The following SP4 variants were observed in gnomAD, a reference collection of about 807,000 sequenced individuals.
The protein encoded by SP4 is Sp4 transcription factor, also known as transcription factor Sp4.
Under a neutral mutation model 72.8 loss-of-function variants are expected in SP4, and 19 were observed. The observed-to-expected ratio is 0.26, with a 90% CI of 0.18 to 0.38. The LOEUF (loss-of-function observed/expected upper bound fraction) is 0.38, where lower values mean the gene tolerates loss of function less well. Ranked by LOEUF, SP4 falls within the 10% of genes least tolerant of loss-of-function variation. SP4 has a pLI of 1.00. For synonymous variants in SP4, 395 were observed against 333.1 expected (o/e 1.19, Z -2.02); for missense variants, 1,008 against 926.3 (o/e 1.09, Z -1.14).
At chr7:21,501,173 T>G (rs1781853295) in intron 5 of SP4, among the ~76,000 whole-genome samples, 1 of 152,182 alleles carries the variant, frequency 6.6e-6, no homozygotes, top group Non-Finnish European at 1.5e-5. Flanking sequence ...TTCCCAATAA[T>G]GAAACTTTCT....
At chr7:21,445,354 T>G (rs1050139308) in intron 3 of SP4, among the ~76,000 whole-genome samples, 1 of 152,128 alleles carries the variant, frequency 6.6e-6, no homozygotes, top group African/African-American at 2.4e-5. Context: ...GAAATAACAT[T>G]AAGAAAACCC....
In SP4 at chr7:21,430,571, G is replaced by T. The variant is rs1417412402; in HGVS notation, c.1406G>T (p.Trp469Leu). 6.2e-7 allele frequency: 1 copy of T among 1,614,210 alleles called. No homozygotes were observed. The highest frequency in any genetic ancestry group is 1.1e-5 in the South Asian group (1 of 91,086). The change falls in exon 3 of 6, where the codon TGG (tryptophan) becomes TTG (leucine). Residue 469 changes from tryptophan to leucine, a missense_variant. This residue lies in a region of SP4 where 893 missense variants were observed against 743.3 expected (regional missense o/e 1.20). Transcript: ENST00000222584. ...TTAACACCTTCAGGGCAAATCAGTT[G>T]GCAAACTGTACAGGTTCAGAATATT... ...PTLTPSGQIS[W>L]QTVQVQNIQS...
chr7:21,496,791 T>C (rs184790134), intron 5 of SP4, among the ~76,000 whole-genome samples: 10 of 152,358 alleles, frequency 6.6e-5, no homozygotes, highest in East Asian at 3.9e-4. Context: ...TGTGTGCATG[T>C]TGCAGCTTGC....
chr7:21,437,132 ATAAC>A lies in SP4; in HGVS notation c.1678+6290_1678+6293del, dbSNP rs550972212. Among the ~76,000 whole-genome samples the A allele has an allele frequency of 5.0e-3, 756 of 152,350 alleles. 4 individuals are homozygous for A. The highest frequency in any genetic ancestry group is 8.5e-3 in the Non-Finnish European group (580 of 68,032). Reference sequence around the variant, plus strand: ...AAAAGTGTCAGAAGATTTGGCATGAATAACACCTCAATTTTTTAAAACATTCTTA... The same window carrying A: ...AAAAGTGTCAGAAGATTTGGCATGAAACCTCAATTTTTTAAAACATTCTTA... On this transcript the variant is annotated intron_variant, in intron 3 of 5. Transcript: ENST00000222584.
intron 5 of SP4, among the ~76,000 whole-genome samples, chr7:21,497,023 C>G (rs151228348): frequency 0.012 from 1,786 of 152,336 alleles, 29 homozygotes; most frequent in African/African-American, 0.041. Flanking sequence ...TAGCTCTCAG[C>G]TAGCTTTTCC....
chr7:21,470,037 G>C (rs1442591799), intron 3 of SP4, among the ~76,000 whole-genome samples: 3 of 152,138 alleles, frequency 2.0e-5, no homozygotes, highest in African/African-American at 7.2e-5. Flanking sequence ...ATATCAGTGA[G>C]TCAGGGAGGA....
chr7:21,448,889 T>C lies in SP4; in HGVS notation c.1678+18046T>C, dbSNP rs549188019. Reference sequence around the variant, plus strand: ...AGCCAATGGAAATGAGACTCCTCTATTACTTGGCTTGATTGAGTATATTAA... The same window carrying C: ...AGCCAATGGAAATGAGACTCCTCTACTACTTGGCTTGATTGAGTATATTAA... On this transcript the variant is annotated intron_variant, in intron 3 of 5. Transcript: ENST00000222584. 1.7e-4 allele frequency among the ~76,000 whole-genome samples: 26 copies of C among 152,354 alleles called. 1 individual carries two copies. The South Asian group carries it at 5.4e-3, about 32-fold the overall frequency.
In SP4 at chr7:21,445,620, A is replaced by C. The variant is rs1053985797; in HGVS notation, c.1678+14777A>C. On this transcript the variant is annotated intron_variant, in intron 3 of 5. Coordinates refer to ENST00000222584, the MANE Select transcript of SP4 (RefSeq NM_003112.5). ...GTGAGTTTTGTTTTATCTTGATCTTAGATTATTGCTGTTTTTAGTAGATGA... is the reference window on the plus strand; with the variant it reads ...GTGAGTTTTGTTTTATCTTGATCTTCGATTATTGCTGTTTTTAGTAGATGA... 2.0e-5 allele frequency among the ~76,000 whole-genome samples: 3 copies of C among 152,138 alleles called. No homozygotes were observed. The South Asian group carries it at 6.2e-4, about 31-fold the overall frequency.
At chr7:21,466,966 C>A (rs1380933025) in intron 3 of SP4, among the ~76,000 whole-genome samples, 3 of 151,944 alleles carry the variant, frequency 2.0e-5, no homozygotes, top group Non-Finnish European at 4.4e-5. Context: ...CACAAATGTA[C>A]CATATTTTAA....
intron 3 of SP4, among the ~76,000 whole-genome samples, chr7:21,446,237 C>G (rs1358670841): frequency 6.6e-6 from 1 of 152,094 alleles, no homozygotes; most frequent in Non-Finnish European, 1.5e-5. Flanking sequence ...ATTAGCCCAC[C>G]TCTTCATACT....
intron 5 of SP4, among the ~76,000 whole-genome samples, chr7:21,505,061 C>A (rs1781960627): frequency 6.6e-6 from 1 of 152,204 alleles, no homozygotes; most frequent in Non-Finnish European, 1.5e-5. Context: ...CCTGAATTTC[C>A]TTTGAGGACA....
chr7:21,474,202 A>G (rs775357482), intron 3 of SP4, among the ~76,000 whole-genome samples: 2 of 152,174 alleles, frequency 1.3e-5, no homozygotes, highest in African/African-American at 4.8e-5. Context: ...TTTGACTTGA[A>G]ACTCATCTAG....
intron 3 of SP4, among the ~76,000 whole-genome samples, chr7:21,462,213 T>C (rs1458110368): frequency 6.6e-5 from 10 of 151,850 alleles, no homozygotes; most frequent in Admixed American, 6.6e-4. Flanking sequence ...TTTGTAGAGA[T>C]GGGGTTTTGC....
chr7:21,460,765 CAG>C (rs2128401945), intron 3 of SP4, among the ~76,000 whole-genome samples: 1 of 152,274 alleles, frequency 6.6e-6, no homozygotes, highest in African/African-American at 2.4e-5. Flanking sequence ...TAGCTACATA[CAG>C]AGTGTAGATT....
At chr7:21,433,136 T>C (rs1782921175) in intron 3 of SP4, among the ~76,000 whole-genome samples, 1 of 152,168 alleles carries the variant, frequency 6.6e-6, no homozygotes, top group Non-Finnish European at 1.5e-5. Context: ...ACTACAACTT[T>C]TTAGTTTTTA....
chr7:21,459,278 C>T (rs1042382856), intron 3 of SP4, among the ~76,000 whole-genome samples: 1 of 152,254 alleles, frequency 6.6e-6, no homozygotes, highest in Admixed American at 6.5e-5. Flanking sequence ...TACTACCACG[C>T]CCGGCTAACT....
intron 5 of SP4, among the ~76,000 whole-genome samples, chr7:21,483,767 T>A (rs1167764879): frequency 2.6e-5 from 4 of 151,832 alleles, no homozygotes. Context: ...TGACTTCTTT[T>A]TGGGCAATTT....
intron 5 of SP4, among the ~76,000 whole-genome samples, chr7:21,508,996 A>G (rs1461879944): frequency 6.6e-6 from 1 of 151,956 alleles, no homozygotes; most frequent in East Asian, 1.9e-4. Flanking sequence ...ATTTTCTCAG[A>G]TTATTTATGT....
At chr7:21,448,917 C>T (rs1225209374) in intron 3 of SP4, among the ~76,000 whole-genome samples, 1 of 152,100 alleles carries the variant, frequency 6.6e-6, no homozygotes, top group Non-Finnish European at 1.5e-5. Context: ...TATATTAACC[C>T]TTTTATTTTA....
Sources: allele counts gnomAD v4.1 joint callset (sites outside exome capture counted in the v4.1 genomes callset), GRCh38; gene constraint gnomAD v4.1.1; regional missense constraint gnomAD v4.1.1; transcripts MANE v1.5; gene names NCBI Gene and HGNC (gene_info 2026-07-23, HGNC 2026-07-21).